ZDHHC15: variants seen among roughly 807,000 people sequenced by gnomAD.
ZDHHC15 encodes the protein zDHHC palmitoyltransferase 15.
In ZDHHC15, 19 loss-of-function variants were observed where a neutral mutation model predicts 31.7. The ratio of observed to expected loss-of-function variants is 0.60; its 90% confidence interval spans 0.42 to 0.88. The LOEUF is 0.88. Among genes scored for constraint, ZDHHC15 ranks in the 40% least tolerant of loss-of-function variants. ZDHHC15 has a pLI of 0.00. For synonymous variants in ZDHHC15, 103 were observed against 90.0 expected, an observed-to-expected ratio of 1.14 and a Z score of -0.82; for missense variants, 209 against 251.2, an observed-to-expected ratio of 0.83 and a Z score of 1.14.
At chrX:75,473,315 C>G (rs182939203) in intron 3 of ZDHHC15, among the ~76,000 whole-genome samples, 3 of 112,012 alleles carry the variant, frequency 2.7e-5, no homozygotes, top group Middle Eastern at 4.6e-3. Context: ...ATATGGTACT[C>G]TTTCTTGCAT....
chrX:75,378,377 A>T (rs1483098482), intron 11 of ZDHHC15, among the ~76,000 whole-genome samples: 1 of 112,221 alleles, frequency 8.9e-6, no homozygotes, highest in African/African-American at 3.2e-5. Context: ...TACAATATGT[A>T]CACTTGTACA....
intron 1 of ZDHHC15, among the ~76,000 whole-genome samples, 157 bp downstream of exon 1, chrX:75,522,732 G>A (rs1352407249): frequency 1.8e-5 from 2 of 110,667 alleles, no homozygotes; most frequent in African/African-American, 6.6e-5. Context: ...AGGAAATATT[G>A]TGGGAAGCCA....
At chrX:75,409,795 TAAAAA>T (rs1189768393) in intron 10 of ZDHHC15, among the ~76,000 whole-genome samples, 2 of 35,522 alleles carry the variant, frequency 5.6e-5, no homozygotes, top group African/African-American at 3.1e-4. Flanking sequence ...ACCCCATCTC[TAAAAA>T]AAAAAAAAAA....
At chrX:75,384,038 G>T (rs1018561636) in intron 10 of ZDHHC15, among the ~76,000 whole-genome samples, 1 of 110,404 alleles carries the variant, frequency 9.1e-6, no homozygotes, top group African/African-American at 3.3e-5. Flanking sequence ...CACCGCACCC[G>T]GCCAGAAATG....
chrX:75,430,595 C>T (rs753435475), intron 5 of ZDHHC15, among the ~76,000 whole-genome samples: 1 of 110,759 alleles, frequency 9.0e-6, no homozygotes, highest in African/African-American at 3.3e-5. Context: ...TGTGTAGATA[C>T]TCCACCTTCA....
chrX:75,450,973 A>G (rs376032254), intron 3 of ZDHHC15, 51 bp from the exon 4 acceptor site: 3 of 1,156,235 alleles, frequency 2.6e-6, no homozygotes, highest in Non-Finnish European at 3.5e-6. Flanking sequence ...TTAATAGAAA[A>G]GATTAAAACC....
chrX:75,506,337 G>T (rs765829360), intron 1 of ZDHHC15, among the ~76,000 whole-genome samples: 1 of 111,481 alleles, frequency 9.0e-6, no homozygotes, highest in South Asian at 3.7e-4. Context: ...AACAGTTAAG[G>T]GTCAGAAAAA....
chrX:75,474,984 C>T (rs184419513), intron 3 of ZDHHC15, among the ~76,000 whole-genome samples: 157 of 110,597 alleles, frequency 1.4e-3, no homozygotes, highest in African/African-American at 4.6e-3. Context: ...GGCGTGAACC[C>T]GGAGGTGGAG....
At chrX:75,374,508 C>T (rs188845897) in intron 11 of ZDHHC15, among the ~76,000 whole-genome samples, 1 of 110,053 alleles carries the variant, frequency 9.1e-6, no homozygotes, top group Admixed American at 9.8e-5. Context: ...CTATGCCTAC[C>T]ATATGACTTA....
At chrX:75,426,745 T>A (rs918228886) in intron 7 of ZDHHC15, among the ~76,000 whole-genome samples, 2 of 111,423 alleles carry the variant, frequency 1.8e-5, no homozygotes, top group Non-Finnish European at 3.8e-5. Flanking sequence ...TTCTTTAATC[T>A]CATGGAGCTA....
chrX:75,405,684 T>C (rs2083404046), intron 10 of ZDHHC15, among the ~76,000 whole-genome samples: 1 of 111,036 alleles, frequency 9.0e-6, no homozygotes, highest in Non-Finnish European at 1.9e-5. Context: ...TCACTAAATC[T>C]AAAAGGAAGA....
At chrX:75,507,300 A>G (rs1452011991) in intron 1 of ZDHHC15, among the ~76,000 whole-genome samples, 2 of 111,465 alleles carry the variant, frequency 1.8e-5, no homozygotes, top group African/African-American at 3.3e-5. Flanking sequence ...TTGGCAGTGG[A>G]ATTGACTTGT....
At chrX:75,436,802 A>G (rs1337042066) in intron 4 of ZDHHC15, among the ~76,000 whole-genome samples, 1 of 112,936 alleles carries the variant, frequency 8.9e-6, no homozygotes, top group Non-Finnish European at 1.9e-5. Context: ...AATAGAATGT[A>G]TATTCTGCAG....
rs1048064650 is a variant in ZDHHC15 at position 75,467,265 on chromosome X, G to A, written c.258+11626C>T. 5.4e-5 allele frequency among the ~76,000 whole-genome samples: 6 copies of A among 111,716 alleles called. No individual in the cohort carries two copies. The Admixed American group carries it at 5.7e-4, about 11-fold the overall frequency. ...ACCTTGTGGTGGCACTTTAATTTCT[G>A]GGATGTCCTTGGGAATATAACTTCC... is the stretch of plus-strand genomic sequence containing the variant. On this transcript the variant is annotated intron_variant, in intron 3 of 11. Transcript: ENST00000373367.
chrX:75,435,932 T>A (rs1176733080), intron 4 of ZDHHC15, among the ~76,000 whole-genome samples: 2 of 112,035 alleles, frequency 1.8e-5, no homozygotes, highest in Non-Finnish European at 3.8e-5. Context: ...AATTCTTCTT[T>A]GAGTGTCTGA....
At chrX:75,442,738 G>C (rs367644910) in intron 4 of ZDHHC15, among the ~76,000 whole-genome samples, 1 of 111,168 alleles carries the variant, frequency 9.0e-6, no homozygotes, top group Non-Finnish European at 1.9e-5. Flanking sequence ...TGTAATCCCA[G>C]CACTTTGGGA....
At chrX:75,449,197 TCTATACACACACAC>T (rs779716405) in intron 4 of ZDHHC15, among the ~76,000 whole-genome samples, 755 of 36,017 alleles carry the variant, frequency 0.021, 7 homozygotes, top group Non-Finnish European at 0.033. Context: ...TCTCTCTCTC[TCTATACACACACAC>T]ACACACACAC....
At chrX:75,451,779 C>A (rs969394840) in intron 3 of ZDHHC15, among the ~76,000 whole-genome samples, 1 of 111,359 alleles carries the variant, frequency 9.0e-6, no homozygotes, top group Non-Finnish European at 1.9e-5. Flanking sequence ...AAATAAAAAT[C>A]TCCTTTAGAA....
chrX:75,446,088 C>A (rs1471037918), intron 4 of ZDHHC15, among the ~76,000 whole-genome samples: 4 of 111,933 alleles, frequency 3.6e-5, no homozygotes, highest in African/African-American at 9.7e-5. Context: ...AAGAACTACT[C>A]AAATTTTCTA....
Sources: gnomAD v4.1 joint callset for allele counts (sites outside exome capture counted in the v4.1 genomes callset) on GRCh38, gnomAD v4.1.1 for gene constraint, MANE v1.5 for transcripts, NCBI Gene and HGNC (gene_info 2026-07-23, HGNC 2026-07-21) for gene names.